Variants in IFFO2 observed in about 807,000 individuals in gnomAD.
IFFO2 encodes intermediate filament family orphan 2.
A neutral mutation model predicts 53.5 loss-of-function variants in IFFO2; 19 were observed. The ratio of observed to expected loss-of-function variants is 0.36; its 90% CI spans 0.25 to 0.52. The LOEUF is 0.52. Ranked by LOEUF, IFFO2 falls within the 20% of genes least tolerant of loss-of-function variation. IFFO2 has a pLI of 0.94. For missense variants in IFFO2, 570 were observed against 727.4 expected, an observed-to-expected ratio of 0.78 and a Z score of 2.49; for synonymous variants, 303 against 313.6, an observed-to-expected ratio of 0.97 and a Z score of 0.36.
intron 1 of IFFO2, among the ~76,000 whole-genome samples, chr1:18,940,461 C>T (rs183053220): frequency 6.6e-6 from 1 of 152,288 alleles, no homozygotes; most frequent in East Asian, 1.9e-4. Flanking sequence ...CCAGATTCTG[C>T]AAGCTCCCAG....
At chr1:18,912,158 G>A in intron 5 of IFFO2, 75 bp from the exon 6 acceptor site, 4 of 1,530,030 alleles carry the variant, frequency 2.6e-6, no homozygotes, top group Non-Finnish European at 2.7e-6. Flanking sequence ...ACAGAAAGGG[G>A]CAGCTGCCCA....
intron 1 of IFFO2, among the ~76,000 whole-genome samples, chr1:18,924,632 G>A (rs923658350): frequency 6.6e-6 from 1 of 152,202 alleles, no homozygotes; most frequent in Non-Finnish European, 1.5e-5. Context: ...GCCTGGATTC[G>A]AACCCAGGTC....
In IFFO2 at chr1:18,919,601, C is replaced by T. The variant is rs971683086; in HGVS notation, c.822+77G>A. On this transcript the variant is annotated intron_variant, in intron 3 of 8. Transcript: ENST00000455833. The surrounding 1 kb of genome is among the most constrained non-coding windows in gnomAD (Gnocchi z 4.9). ...TCTAACTAGAAGCCGAGCCCCGGAG[C>T]CTCGGAGGGAATGAAGCATTTTGCA... is the stretch of plus-strand genomic sequence containing the variant. The T allele has an allele frequency of 3.1e-6, 3 of 964,892 alleles. No homozygotes were observed. Among genetic ancestry groups the T allele is most frequent in the Admixed American group, 2.0e-5 (1 of 49,578 alleles). The allele number at this position is 964,892 out of a possible 1,614,324, so 59.8% of individuals were successfully genotyped here.
intron 1 of IFFO2, among the ~76,000 whole-genome samples, chr1:18,937,596 G>T (rs1936465950): frequency 6.6e-6 from 1 of 152,176 alleles, no homozygotes; most frequent in South Asian, 2.1e-4. Context: ...GCCTCCCAGG[G>T]ACCCTTCCAT....
chr1:18,946,829 C>T (rs1936594849), intron 1 of IFFO2, among the ~76,000 whole-genome samples: 3 of 152,206 alleles, frequency 2.0e-5, no homozygotes, highest in Admixed American at 2.0e-4. Context: ...AGGGTTATTA[C>T]AGCTTCCATG....
At chr1:18,949,891 G>C (rs966014161) in intron 1 of IFFO2, among the ~76,000 whole-genome samples, 1 of 152,230 alleles carries the variant, frequency 6.6e-6, no homozygotes, top group South Asian at 2.1e-4. Context: ...GCCCCGCCTC[G>C]CATTCCTCTG....
chr1:18,948,387 A>G (rs1936617191), intron 1 of IFFO2, among the ~76,000 whole-genome samples: 1 of 152,218 alleles, frequency 6.6e-6, no homozygotes, highest in African/African-American at 2.4e-5. Flanking sequence ...CCACCTTCCC[A>G]CTGTCCCCAT....
At chr1:18,926,101 G>T (rs1569847884) in intron 1 of IFFO2, among the ~76,000 whole-genome samples, 1 of 98,456 alleles carries the variant, frequency 1.0e-5, no homozygotes, top group South Asian at 3.6e-4. Context: ...TGGATGGATG[G>T]ATTGGTTGGA....
Position 18,910,538 on chromosome 1 carries a change from C to T in IFFO2, c.1318-66G>A. Reference sequence around the variant, plus strand: ...TCCTCGTGACAGAAGCCTCGGCAACCTCTCCTCCTGGATTCCTCAGGGATG... The same window carrying T: ...TCCTCGTGACAGAAGCCTCGGCAACTTCTCCTCCTGGATTCCTCAGGGATG... On this transcript the variant is annotated intron_variant, in intron 7 of 8. Transcript: ENST00000455833. The T allele has an allele frequency of 1.9e-6, 3 of 1,541,786 alleles. No homozygotes were observed. The South Asian group carries it at 3.6e-5, about 18-fold the overall frequency.
chr1:18,951,864 AAC>A, intron 1 of IFFO2, among the ~76,000 whole-genome samples: 1 of 152,194 alleles, frequency 6.6e-6, no homozygotes, highest in Non-Finnish European at 1.5e-5. Flanking sequence ...GGCTTCAGCG[AAC>A]ACAGTGTGGT....
chr1:18,904,811 C>G lies in IFFO2; in HGVS notation c.*3750G>C, dbSNP rs77038531. The G allele has an allele frequency of 6.6e-6, 1 of 152,152 alleles. No individual in the cohort carries two copies. The highest frequency in any genetic ancestry group is 1.5e-5 in the Non-Finnish European group (1 of 68,092). The allele number at this position is 152,152 out of a possible 1,614,324, so 9.4% of individuals were successfully genotyped here. On this transcript the variant is annotated 3_prime_UTR_variant, in exon 9 of 9. Transcript: ENST00000455833. ...ACCCCCAGCACCCTGATCCCTCCCC[C>G]CAGGGCCCTGGGGGGAACATAGCAA... is the stretch of plus-strand genomic sequence containing the variant.
At position 18,918,322 on chromosome 1, in the gene IFFO2, G is replaced by T. The variant is rs77606720; in HGVS notation, c.963+40C>A. ...GGTGGAGGCCAGGGCTGCTCTGGGA[G>T]AGTGGGGGGTTGGCTGGTGAGCAGG... On this transcript the variant is annotated intron_variant, in intron 4 of 8. Coordinates refer to ENST00000455833, the MANE Select transcript of IFFO2 (RefSeq NM_001136265.2). This position sits in a 1 kb window ranked among gnomAD's most constrained non-coding sequence, Gnocchi z 5.2. The T allele has an allele frequency of 3.6e-3, 5,466 of 1,539,146 alleles. 170 individuals are homozygous for T. The African/African-American group carries it at 0.067, about 19-fold the overall frequency.
At chr1:18,951,586 A>G (rs1936660475) in intron 1 of IFFO2, among the ~76,000 whole-genome samples, 1 of 152,156 alleles carries the variant, frequency 6.6e-6, no homozygotes, top group African/African-American at 2.4e-5. Flanking sequence ...CAGCACTACT[A>G]GCGCCGGGCA....
At chr1:18,927,665 C>A (rs944997317) in intron 1 of IFFO2, among the ~76,000 whole-genome samples, 1 of 152,272 alleles carries the variant, frequency 6.6e-6, no homozygotes. Context: ...AGCCTGGGGG[C>A]CCCAATCAGC....
At chr1:18,913,871 C>T (rs902672955) in intron 5 of IFFO2, among the ~76,000 whole-genome samples, 8 of 152,198 alleles carry the variant, frequency 5.3e-5, no homozygotes, top group South Asian at 2.1e-4. Flanking sequence ...CTCGCTGTCG[C>T]CCAGGCTGGA....
At chr1:18,931,971 G>T (rs1018291870) in intron 1 of IFFO2, among the ~76,000 whole-genome samples, 1 of 152,232 alleles carries the variant, frequency 6.6e-6, no homozygotes, top group African/African-American at 2.4e-5. Context: ...TTATTTCTCA[G>T]CGCCAGAGAA....
chr1:18,930,580 T>C (rs1356475085), intron 1 of IFFO2, among the ~76,000 whole-genome samples: 1 of 152,248 alleles, frequency 6.6e-6, no homozygotes, highest in Non-Finnish European at 1.5e-5. Context: ...CTAATGGGCA[T>C]GCCCAGCCCT....
chr1:18,951,998 C>A (rs1014573070), intron 1 of IFFO2, among the ~76,000 whole-genome samples: 3 of 152,124 alleles, frequency 2.0e-5, no homozygotes, highest in Admixed American at 6.6e-5. Flanking sequence ...GGAGCTGAGG[C>A]CCAGAGAGGG....
At chr1:18,945,570 G>C (rs1936576035) in intron 1 of IFFO2, among the ~76,000 whole-genome samples, 1 of 152,228 alleles carries the variant, frequency 6.6e-6, no homozygotes, top group African/African-American at 2.4e-5. Flanking sequence ...CGCTGCAGGG[G>C]CCTCTCTCCA....
Sources: allele counts gnomAD v4.1 joint callset (sites outside exome capture counted in the v4.1 genomes callset), GRCh38; gene constraint gnomAD v4.1.1; non-coding constraint Gnocchi (gnomAD v3.1); transcripts MANE v1.5; gene names NCBI Gene and HGNC (gene_info 2026-07-23, HGNC 2026-07-21).